Variants in PCP4L1 observed in about 807,000 individuals in gnomAD.
The protein encoded by PCP4L1 is Purkinje cell protein 4 like 1.
Under a neutral mutation model 9.6 loss-of-function variants are expected in PCP4L1, and 9 were observed. The observed-to-expected ratio is 0.94, with a 90% CI of 0.57 to 1.64. The LOEUF is 1.64. Among genes scored for constraint, PCP4L1 ranks in the 40% most tolerant of loss-of-function variants. The pLI is 0.00. For synonymous variants in PCP4L1, 31 were observed against 28.2 expected (o/e 1.10, Z -0.31); for missense variants, 81 against 80.8 (o/e 1.00, Z -0.01).
intron 1 of PCP4L1, among the ~76,000 whole-genome samples, chr1:161,282,099 T>A (rs1282233575): frequency 6.6e-6 from 1 of 152,076 alleles, no homozygotes; most frequent in Non-Finnish European, 1.5e-5. Context: ...GGGGCACCAT[T>A]GAGCACTGAG....
chr1:161,284,217 A>G, intron 2 of PCP4L1, 122 bp from the exon 3 acceptor site: 1 of 1,329,316 alleles, frequency 7.5e-7, no homozygotes, highest in South Asian at 1.4e-5. Flanking sequence ...AATCCTAGCA[A>G]AAATTTGGGG....
chr1:161,282,010 C>G (rs955366753), intron 1 of PCP4L1, among the ~76,000 whole-genome samples: 4 of 152,180 alleles, frequency 2.6e-5, no homozygotes, highest in South Asian at 2.1e-4. Flanking sequence ...GCTGCAATCT[C>G]GGCACTTTGG....
chr1:161,275,515 CAAAAAAAA>C (rs11302998), intron 1 of PCP4L1, among the ~76,000 whole-genome samples: 1 of 91,900 alleles, frequency 1.1e-5, no homozygotes, highest in South Asian at 3.8e-4. Flanking sequence ...GACTCCGTCT[CAAAAAAAA>C]AAAAAAAAAA....
intron 1 of PCP4L1, among the ~76,000 whole-genome samples, chr1:161,272,298 G>A (rs1327971941): frequency 6.0e-5 from 9 of 150,080 alleles, no homozygotes; most frequent in African/African-American, 2.2e-4. Context: ...AGTGGCTCAC[G>A]CCTGTAATCC....
intron 1 of PCP4L1, among the ~76,000 whole-genome samples, chr1:161,260,660 G>A (rs1340372482): frequency 6.6e-6 from 1 of 152,186 alleles, no homozygotes; most frequent in Non-Finnish European, 1.5e-5. Context: ...GGTGGAATGA[G>A]AAGCCTGTTT....
intron 1 of PCP4L1, among the ~76,000 whole-genome samples, chr1:161,281,627 G>A (rs1400714930): frequency 2.0e-5 from 3 of 150,822 alleles, no homozygotes; most frequent in Admixed American, 1.3e-4. Flanking sequence ...CCTCCCTCCC[G>A]GACGGGGTGG....
At chr1:161,283,816 TGAAAG>T (rs1669862872) in intron 2 of PCP4L1, 94 bp downstream of exon 2, 1 of 1,281,914 alleles carries the variant, frequency 7.8e-7, no homozygotes, top group African/African-American at 1.5e-5. Context: ...AAGTCAGACA[TGAAAG>T]GAATAAGAAT....
At chr1:161,278,042 A>G (rs978130724) in intron 1 of PCP4L1, among the ~76,000 whole-genome samples, 3 of 152,188 alleles carry the variant, frequency 2.0e-5, no homozygotes, top group African/African-American at 7.2e-5. Context: ...TATTCAAGAT[A>G]TCACTCTGGT....
chr1:161,270,395 CTG>C (rs945506783), intron 1 of PCP4L1, among the ~76,000 whole-genome samples: 1 of 152,076 alleles, frequency 6.6e-6, no homozygotes, highest in Admixed American at 6.6e-5. Flanking sequence ...TCAGAGCCAA[CTG>C]TGTTAGGGTG....
At chr1:161,271,871 C>T (rs1294205656) in intron 1 of PCP4L1, among the ~76,000 whole-genome samples, 1 of 151,690 alleles carries the variant, frequency 6.6e-6, no homozygotes, top group Non-Finnish European at 1.5e-5. Flanking sequence ...GTGGCATGAT[C>T]ATAGCTCACT....
chr1:161,278,939 T>G (rs1669748948), intron 1 of PCP4L1, among the ~76,000 whole-genome samples: 1 of 152,166 alleles, frequency 6.6e-6, no homozygotes, highest in Admixed American at 6.5e-5. Flanking sequence ...CACGCCACCA[T>G]GCTTGATTAA....
At chr1:161,277,995 C>T (rs931471475) in intron 1 of PCP4L1, among the ~76,000 whole-genome samples, 1 of 152,142 alleles carries the variant, frequency 6.6e-6, no homozygotes, top group African/African-American at 2.4e-5. Flanking sequence ...CGAAGGGCAA[C>T]CCCTCCACTT....
At chr1:161,267,492 G>C (rs1487180150) in intron 1 of PCP4L1, among the ~76,000 whole-genome samples, 1 of 152,156 alleles carries the variant, frequency 6.6e-6, no homozygotes, top group East Asian at 1.9e-4. Context: ...AGCAGAAGGG[G>C]CAACACTATC....
chr1:161,280,784 C>T (rs1269738113), intron 1 of PCP4L1, among the ~76,000 whole-genome samples: 1 of 152,174 alleles, frequency 6.6e-6, no homozygotes, highest in African/African-American at 2.4e-5. Context: ...TTTTCTCCTA[C>T]CTGGCTTCTT....
At position 161,284,548 on chromosome 1, in the gene PCP4L1, G is replaced by GTA; in HGVS notation, c.*69_*70dup. 1 of 1,564,208 alleles carries GTA rather than the reference G, an allele frequency of 6.4e-7. No individual in the cohort carries two copies. The highest frequency in any genetic ancestry group is 8.7e-7 in the Non-Finnish European group (1 of 1,153,194). ...CTTCTCTCCCCTTCTCCACACCCAT[G>GTA]TATCTTTATCCCTTGTCCCTCTAGC... On this transcript the variant is annotated 3_prime_UTR_variant, in exon 3 of 3. Transcript: ENST00000504449.
chr1:161,276,393 T>C (rs1177928130), intron 1 of PCP4L1, among the ~76,000 whole-genome samples: 1 of 152,002 alleles, frequency 6.6e-6, no homozygotes, highest in Non-Finnish European at 1.5e-5. Flanking sequence ...AAAATGAAAA[T>C]ACATATGGGC....
At chr1:161,269,526 TA>T (rs1669587175) in intron 1 of PCP4L1, among the ~76,000 whole-genome samples, 1 of 152,108 alleles carries the variant, frequency 6.6e-6, no homozygotes, top group Non-Finnish European at 1.5e-5. Context: ...AAAAAATTAT[TA>T]GTGTAAATCA....
intron 1 of PCP4L1, among the ~76,000 whole-genome samples, chr1:161,260,084 C>G (rs983845653): frequency 1.3e-5 from 2 of 152,180 alleles, no homozygotes; most frequent in African/African-American, 4.8e-5. Flanking sequence ...CTTCCTCTCC[C>G]ATTAGAGTAT....
At chr1:161,267,116 A>G (rs989089818) in intron 1 of PCP4L1, among the ~76,000 whole-genome samples, 2 of 152,152 alleles carry the variant, frequency 1.3e-5, no homozygotes, top group Non-Finnish European at 2.9e-5. Flanking sequence ...GATTTATGTC[A>G]ATACAAAGGC....
Sources: gnomAD v4.1 joint callset for allele counts (sites outside exome capture counted in the v4.1 genomes callset) on GRCh38, gnomAD v4.1.1 for gene constraint, MANE v1.5 for transcripts, NCBI Gene and HGNC (gene_info 2026-07-23, HGNC 2026-07-21) for gene names.